SCN11A: variants seen among roughly 807,000 people sequenced by gnomAD.
The protein encoded by SCN11A is sodium channel protein type 11 subunit alpha.
SCN11A carries 122 observed loss-of-function variants against 162.2 expected under a neutral mutation model. That is an observed-to-expected ratio of 0.75 (90% CI 0.65 to 0.87). SCN11A has a LOEUF of 0.87. Among genes scored for constraint, SCN11A ranks in the 40% least tolerant of loss-of-function variants. SCN11A has a pLI of 0.00. For missense variants in SCN11A, 2,015 were observed against 2,181.6 expected, an observed-to-expected ratio of 0.92 and a Z score of 1.52; for synonymous variants, 758 against 751.5, an observed-to-expected ratio of 1.01 and a Z score of -0.14.
chr3:38,876,802 A>C (rs1320980679), intron 23 of SCN11A, among the ~76,000 whole-genome samples: 1 of 152,068 alleles, frequency 6.6e-6, no homozygotes, highest in Non-Finnish European at 1.5e-5. Context: ...GAGATTCCTT[A>C]AAGAACTAAA....
At chr3:39,051,690 C>G (rs1391925715) in intron 1 of SCN11A, among the ~76,000 whole-genome samples, 171 bp downstream of exon 1, 3 of 152,126 alleles carry the variant, frequency 2.0e-5, no homozygotes, top group Non-Finnish European at 4.4e-5. Context: ...ACTGTTAATT[C>G]TTTCAGTGCT....
At chr3:38,871,844 C>T (rs2065131982) in intron 24 of SCN11A, 136 bp from the exon 25 acceptor site, 1 of 724,278 alleles carries the variant, frequency 1.4e-6, no homozygotes, top group Non-Finnish European at 2.3e-6. Context: ...ACATGTGCCC[C>T]ATCCCCATGA....
intron 28 of SCN11A, among the ~76,000 whole-genome samples, chr3:38,862,076 G>T (rs757722804): frequency 2.6e-5 from 4 of 151,730 alleles, no homozygotes; most frequent in Non-Finnish European, 5.9e-5. Flanking sequence ...GTAGGCAAAA[G>T]ACATAATCAG....
At chr3:39,023,759 C>T (rs1221069467) in intron 2 of SCN11A, among the ~76,000 whole-genome samples, 2 of 152,042 alleles carry the variant, frequency 1.3e-5, no homozygotes, top group African/African-American at 4.8e-5. Flanking sequence ...TCTCCTGCCT[C>T]AGCCTCTCAA....
At chr3:38,915,858 T>C (rs2065953105) in intron 11 of SCN11A, among the ~76,000 whole-genome samples, 2 of 152,254 alleles carry the variant, frequency 1.3e-5, no homozygotes, top group South Asian at 2.1e-4. Flanking sequence ...AATATCTTGG[T>C]TAATTTTCTG....
chr3:38,943,559 T>C (rs982376346), intron 7 of SCN11A, among the ~76,000 whole-genome samples: 43 of 152,188 alleles, frequency 2.8e-4, no homozygotes, highest in African/African-American at 9.7e-4. Flanking sequence ...ACTTTTAAGT[T>C]AAAACATTAA....
In SCN11A at chr3:38,883,304, A is replaced by G. The variant is rs1187446191; in HGVS notation, c.3148T>C (p.Tyr1050His). 1 of 1,613,904 alleles carries G rather than the reference A, an allele frequency of 6.2e-7. No homozygotes were observed. Among genetic ancestry groups the G allele is most frequent in the African/African-American group, 1.3e-5 (1 of 74,926 alleles). Residue 1050 changes from tyrosine to histidine, a missense_variant, in exon 22 of 30, where the codon TAC becomes CAC. Physicochemically the swap from Tyr to His is moderately conservative, Grantham distance 83. Coordinates refer to ENST00000302328, the MANE Select transcript of SCN11A (RefSeq NM_001349253.2). Reference protein sequence around the residue: ...VIWWNLRKTCYQIVKHSWFES... With the variant: ...VIWWNLRKTCHQIVKHSWFES... ...AACCAGCTGTGTTTCACTATTTGGT[A>G]GCAGGTTTTCCGCAGGTTCCACCAA... is the stretch of plus-strand genomic sequence containing the variant.
At chr3:38,931,386 AAGTCTG>A (rs1389648426) in intron 7 of SCN11A, among the ~76,000 whole-genome samples, 1 of 152,230 alleles carries the variant, frequency 6.6e-6, no homozygotes, top group African/African-American at 2.4e-5. Flanking sequence ...GCAGTTTTCA[AAGTCTG>A]ACCACTAACC....
At chr3:38,994,543 C>T (rs2030551917) in intron 2 of SCN11A, among the ~76,000 whole-genome samples, 1 of 152,166 alleles carries the variant, frequency 6.6e-6, no homozygotes, top group Non-Finnish European at 1.5e-5. Context: ...TGATTCCTCC[C>T]TACTTCTGCC....
chr3:38,978,287 A>G (rs2066861409), intron 2 of SCN11A, among the ~76,000 whole-genome samples: 1 of 152,326 alleles, frequency 6.6e-6, no homozygotes, highest in Admixed American at 6.5e-5. Context: ...ATTTATATCA[A>G]GTCTATTTTT....
At chr3:38,863,428 TTAAGAG>T in intron 27 of SCN11A, 129 bp from the exon 28 acceptor site, 1 of 596,600 alleles carries the variant, frequency 1.7e-6, no homozygotes, top group Admixed American at 3.0e-5. Context: ...AATGGTAAGC[TTAAGAG>T]ACTGGACCAT....
chr3:38,955,282 G>A (rs978371714), intron 3 of SCN11A, among the ~76,000 whole-genome samples: 1 of 152,010 alleles, frequency 6.6e-6, no homozygotes, highest in African/African-American at 2.4e-5. Flanking sequence ...ATGAGACTCT[G>A]TCCCAAAAAA....
At position 38,870,723 on chromosome 3, in the gene SCN11A, C is replaced by T. The variant is rs1404782403; in HGVS notation, c.3781G>A (p.Asp1261Asn). 1 of 1,613,590 alleles carries T rather than the reference C, an allele frequency of 6.2e-7. No individual in the cohort carries two copies. The highest frequency in any genetic ancestry group is 1.7e-5 in the Admixed American group (1 of 59,988). ...LQVATFKGWM[D>N]IIYAAVDSTE... is the part of the protein sequence containing the mutation. ...GAATCAACAGCTGCATATATAATAT[C>T]CATCCAGCCCTTAAATGTTGCCTGC... The change falls in exon 26 of 30, where the codon GAT becomes AAT. Residue 1261 changes from aspartate (D) to asparagine (N), a missense_variant. Coordinates refer to ENST00000302328, the MANE Select transcript of SCN11A (RefSeq NM_001349253.2).
At chr3:39,008,299 T>C (rs922835201) in intron 2 of SCN11A, among the ~76,000 whole-genome samples, 6 of 152,040 alleles carry the variant, frequency 3.9e-5, no homozygotes, top group Admixed American at 3.9e-4. Context: ...GAGAGGAGAA[T>C]AAAGTCATTT....
chr3:38,958,355 C>T (rs12496010), intron 3 of SCN11A, among the ~76,000 whole-genome samples: 1 of 152,340 alleles, frequency 6.6e-6, no homozygotes, highest in Non-Finnish European at 1.5e-5. Context: ...ACAGGGCTCG[C>T]ACCTCCCTTC....
chr3:38,938,318 C>T (rs2066370408), intron 7 of SCN11A, among the ~76,000 whole-genome samples: 1 of 150,946 alleles, frequency 6.6e-6, no homozygotes, highest in African/African-American at 2.4e-5. Flanking sequence ...CAGCATGGCA[C>T]ATGTATACAT....
chr3:38,932,261 C>A (rs2066252464), intron 7 of SCN11A, among the ~76,000 whole-genome samples: 1 of 152,216 alleles, frequency 6.6e-6, no homozygotes, highest in Admixed American at 6.5e-5. Flanking sequence ...CGAATAGGAA[C>A]AGCTCCAGTC....
intron 2 of SCN11A, among the ~76,000 whole-genome samples, chr3:38,962,439 T>A (rs566214614): frequency 6.6e-6 from 1 of 152,356 alleles, no homozygotes; most frequent in East Asian, 1.9e-4. Flanking sequence ...TTGTGTTGAA[T>A]TTGTAGATTG....
At chr3:38,870,027 AC>A (rs985644010) in intron 26 of SCN11A, among the ~76,000 whole-genome samples, 3 of 152,164 alleles carry the variant, frequency 2.0e-5, no homozygotes, top group African/African-American at 7.2e-5. Context: ...ATAATAGGAA[AC>A]AATAATTTCT....
Sources: gnomAD v4.1 joint callset for allele counts (sites outside exome capture counted in the v4.1 genomes callset) on GRCh38, gnomAD v4.1.1 for gene constraint, MANE v1.5 for transcripts, NCBI Gene and HGNC (gene_info 2026-07-23, HGNC 2026-07-21) for gene names.